LRFN5: variants seen among roughly 807,000 people sequenced by gnomAD.
LRFN5 encodes the protein leucine-rich repeat and fibronectin type-III domain-containing protein 5.
In LRFN5, 24 loss-of-function variants were observed where a neutral mutation model predicts 45.6. The observed-to-expected ratio is 0.53, with a 90% CI of 0.38 to 0.74. The LOEUF is 0.74. Among genes scored for constraint, LRFN5 ranks in the 30% least tolerant of loss-of-function variants. The probability of loss-of-function intolerance (pLI) is 0.00; values close to 1 mark genes in which losing one functional copy is unlikely to be tolerated. For missense variants in LRFN5, 776 were observed against 861.5 expected (o/e 0.90, Z 1.24); for synonymous variants, 340 against 313.8 (o/e 1.08, Z -0.88).
chr14:41,622,127 C>CTT lies in LRFN5; in HGVS notation c.-197+13576_-197+13577dup, dbSNP rs35981090. ...GTCCTCTCTTTCTCTTTCCATCCCT[C>CTT]TTTTTTTTTTTTCATTTCTTTCAGA... On this transcript the variant is annotated intron_variant, in intron 1 of 5. Coordinates refer to ENST00000298119, the MANE Select transcript of LRFN5 (RefSeq NM_152447.5). Among the ~76,000 whole-genome samples, 360 of 144,812 alleles carry CTT rather than the reference C, an allele frequency of 2.5e-3. 2 individuals are homozygous for CTT. The highest frequency in any genetic ancestry group is 4.0e-3 in the Non-Finnish European group (266 of 66,098).
At chr14:41,737,278 A>C (rs771231959) in intron 1 of LRFN5, among the ~76,000 whole-genome samples, 4 of 152,202 alleles carry the variant, frequency 2.6e-5, no homozygotes, top group Non-Finnish European at 5.9e-5. Context: ...AGATGCTGAA[A>C]AGGTTTTTGA....
chr14:41,671,910 G>A (rs949356752), intron 1 of LRFN5, among the ~76,000 whole-genome samples: 2 of 151,972 alleles, frequency 1.3e-5, no homozygotes, highest in Admixed American at 6.6e-5. Flanking sequence ...GAGCCACTGC[G>A]CCCAGCCATG....
intron 2 of LRFN5, among the ~76,000 whole-genome samples, chr14:41,855,233 G>T (rs1889412401): frequency 6.6e-6 from 1 of 152,054 alleles, no homozygotes; most frequent in South Asian, 2.1e-4. Context: ...ATAATAGTGG[G>T]ATATAACTCA....
chr14:41,749,290 C>G (rs1193894035), intron 1 of LRFN5, among the ~76,000 whole-genome samples: 1 of 151,930 alleles, frequency 6.6e-6, no homozygotes, highest in Non-Finnish European at 1.5e-5. Flanking sequence ...AAGACTGAAT[C>G]CATTTATAAA....
intron 1 of LRFN5, among the ~76,000 whole-genome samples, chr14:41,759,375 T>C (rs1468784882): frequency 1.3e-5 from 2 of 151,938 alleles, no homozygotes; most frequent in African/African-American, 2.4e-5. Flanking sequence ...CAGTCTCATG[T>C]TCAACCCACT....
intron 2 of LRFN5, among the ~76,000 whole-genome samples, chr14:41,836,654 A>G (rs940253259): frequency 6.6e-6 from 1 of 152,046 alleles, no homozygotes; most frequent in Non-Finnish European, 1.5e-5. Context: ...ATATTACCCA[A>G]TTTTTGCTAA....
chr14:41,648,068 A>G (rs527341821), intron 1 of LRFN5, among the ~76,000 whole-genome samples: 2 of 152,208 alleles, frequency 1.3e-5, no homozygotes, highest in East Asian at 1.9e-4. Flanking sequence ...CCTTTGTTCA[A>G]TAGTATGCTT....
At chr14:41,609,315 G>GTTTT (rs375230754) in intron 1 of LRFN5, among the ~76,000 whole-genome samples, 3,415 of 151,626 alleles carry the variant, frequency 0.023, 109 homozygotes, top group African/African-American at 0.072. Context: ...TCCTTTGCGC[G>GTTTT]TTTTTTTGTT....
At chr14:41,726,160 G>C (rs1178105132) in intron 1 of LRFN5, among the ~76,000 whole-genome samples, 2 of 152,068 alleles carry the variant, frequency 1.3e-5, no homozygotes, top group Admixed American at 1.3e-4. Context: ...TTCCTATTTG[G>C]AGCTCAAAAG....
chr14:41,681,560 A>C (rs1250040095), intron 1 of LRFN5, among the ~76,000 whole-genome samples: 1 of 152,058 alleles, frequency 6.6e-6, no homozygotes, highest in Non-Finnish European at 1.5e-5. Flanking sequence ...ATCAAATATA[A>C]GGGAGAAATA....
intron 2 of LRFN5, among the ~76,000 whole-genome samples, chr14:41,781,607 A>AGAAG (rs1886511885): frequency 1.1e-5 from 1 of 94,676 alleles, no homozygotes; most frequent in African/African-American, 5.2e-5. Context: ...AAAGAAAGAA[A>AGAAG]GAAAGAAAGA....
At chr14:41,856,672 A>ATTTTTTTTTTTTTTTTTTTT (rs1889465921) in intron 2 of LRFN5, among the ~76,000 whole-genome samples, 4 of 5,982 alleles carry the variant, frequency 6.7e-4, no homozygotes, top group Non-Finnish European at 1.9e-3. Context: ...TATTATTATT[A>ATTTTTTTTTTTTTTTTTTTT]TTATTTTTTT....
At chr14:41,714,616 T>C (rs1883414575) in intron 1 of LRFN5, among the ~76,000 whole-genome samples, 1 of 152,122 alleles carries the variant, frequency 6.6e-6, no homozygotes, top group African/African-American at 2.4e-5. Flanking sequence ...TCAAAGATGC[T>C]AAAAATCAGC....
At chr14:41,834,300 T>C (rs190745149) in intron 2 of LRFN5, among the ~76,000 whole-genome samples, 159 of 152,372 alleles carry the variant, frequency 1.0e-3, no homozygotes, top group Non-Finnish European at 1.8e-3. Flanking sequence ...TTTATTCTTA[T>C]GTTTTATTTA....
intron 2 of LRFN5, among the ~76,000 whole-genome samples, chr14:41,818,055 T>C: frequency 6.6e-6 from 1 of 152,294 alleles, no homozygotes; most frequent in Middle Eastern, 3.4e-3. Context: ...TATTCACATA[T>C]ACTTTATTTT....
At chr14:41,632,514 A>T (rs766462284) in intron 1 of LRFN5, among the ~76,000 whole-genome samples, 4 of 152,058 alleles carry the variant, frequency 2.6e-5, no homozygotes, top group Non-Finnish European at 5.9e-5. Flanking sequence ...AAGGGAGGAG[A>T]ATTTCTTGAA....
chr14:41,761,529 C>T (rs1885668737), intron 1 of LRFN5, among the ~76,000 whole-genome samples: 1 of 152,082 alleles, frequency 6.6e-6, no homozygotes, highest in African/African-American at 2.4e-5. Context: ...CTAAGAGCGA[C>T]AATAATGTTG....
intron 2 of LRFN5, among the ~76,000 whole-genome samples, chr14:41,870,787 A>G (rs1190947160): frequency 6.6e-6 from 1 of 152,174 alleles, no homozygotes; most frequent in Non-Finnish European, 1.5e-5. Flanking sequence ...TTAGCTTTTA[A>G]CTACACTCAA....
At chr14:41,801,166 G>A (rs12893555) in intron 2 of LRFN5, among the ~76,000 whole-genome samples, 88 of 151,824 alleles carry the variant, frequency 5.8e-4, no homozygotes, top group African/African-American at 1.6e-3. Flanking sequence ...TTAGTTTCTC[G>A]TACTTAGCAC....
Sources: gnomAD v4.1 joint callset for allele counts (sites outside exome capture counted in the v4.1 genomes callset) on GRCh38, gnomAD v4.1.1 for gene constraint, MANE v1.5 for transcripts, NCBI Gene and HGNC (gene_info 2026-07-23, HGNC 2026-07-21) for gene names.